The following SCN3A variants were observed in gnomAD, a reference collection of about 807,000 sequenced individuals.
The protein encoded by SCN3A is sodium channel protein type 3 subunit alpha.
A neutral mutation model predicts 187.6 loss-of-function variants in SCN3A; 60 were observed. That is an observed-to-expected ratio of 0.32 (90% CI 0.26 to 0.40). The LOEUF (loss-of-function observed/expected upper bound fraction) is 0.40, where lower values mean the gene tolerates loss of function less well. Ranked by LOEUF, SCN3A falls within the 10% of genes least tolerant of loss-of-function variation. The probability of loss-of-function intolerance (pLI) is 1.00; values close to 1 mark genes in which losing one functional copy is unlikely to be tolerated. For synonymous variants in SCN3A, 788 were observed against 829.2 expected, an observed-to-expected ratio of 0.95 and a Z score of 0.85; for missense variants, 1,601 against 2,428.2, an observed-to-expected ratio of 0.66 and a Z score of 7.16.
chr2:165,154,143 GT>G (rs1688869371), intron 11 of SCN3A, among the ~76,000 whole-genome samples: 1 of 151,472 alleles, frequency 6.6e-6, no homozygotes, highest in Non-Finnish European at 1.5e-5. Flanking sequence ...GGAAATATCA[GT>G]TTTATTTCTT....
intron 18 of SCN3A, among the ~76,000 whole-genome samples, chr2:165,117,450 CTAAA>C (rs1559197683): frequency 1.3e-5 from 2 of 152,144 alleles, no homozygotes; most frequent in South Asian, 2.1e-4. Flanking sequence ...TTTCCTTTGA[CTAAA>C]TATTCTCATA....
intron 22 of SCN3A, among the ~76,000 whole-genome samples, chr2:165,099,689 C>T (rs1685516407): frequency 6.6e-6 from 1 of 152,122 alleles, no homozygotes; most frequent in Admixed American, 6.5e-5. Flanking sequence ...TGCACTCCAG[C>T]CTGGGCGACA....
At chr2:165,155,389 A>ATTCCCT (rs971353415) in intron 10 of SCN3A, among the ~76,000 whole-genome samples, 3 of 143,924 alleles carry the variant, frequency 2.1e-5, no homozygotes, top group Admixed American at 7.0e-5. Context: ...TCCTTTTCCC[A>ATTCCCT]TTCCCTTTCC....
chr2:165,134,650 T>C (rs1687556600), intron 15 of SCN3A, among the ~76,000 whole-genome samples: 1 of 152,130 alleles, frequency 6.6e-6, no homozygotes, highest in African/African-American at 2.4e-5. Flanking sequence ...AAATATATTT[T>C]TCATTTTATA....
At chr2:165,193,209 C>T (rs189496594) in intron 1 of SCN3A, among the ~76,000 whole-genome samples, 19 of 152,140 alleles carry the variant, frequency 1.2e-4, no homozygotes, top group Admixed American at 6.5e-4. Context: ...AAGCAAGAGG[C>T]GAATCCCTTA....
chr2:165,097,808 G>C (rs954507579), intron 22 of SCN3A, among the ~76,000 whole-genome samples: 2 of 151,630 alleles, frequency 1.3e-5, no homozygotes, highest in African/African-American at 4.8e-5. Context: ...TGTATGCTGG[G>C]GAAAAAAGAA....
Position 165,090,203 on chromosome 2 carries a change from C to T in SCN3A, c.5950G>A (p.Asp1984Asn), listed in dbSNP as rs1685012142. ...TKPDKEKFEKDKPEKESKGKE... is the reference protein window; with the variant it reads ...TKPDKEKFEKNKPEKESKGKE... ...CCTTTGCTTTCTTTTTCTGGTTTGTCTTTCTCAAACTTTTCCTTGTCTGGT... is the reference window on the plus strand; with the variant it reads ...CCTTTGCTTTCTTTTTCTGGTTTGTTTTTCTCAAACTTTTCCTTGTCTGGT... Residue 1984 changes from aspartate to asparagine, a missense_variant, in exon 28 of 28, where the codon GAC becomes AAC. Coordinates refer to ENST00000283254, the MANE Select transcript of SCN3A (RefSeq NM_006922.4). This position sits in a 1 kb window ranked among gnomAD's most constrained non-coding sequence, Gnocchi z 4.0. 6.2e-7 allele frequency: 1 copy of T among 1,604,330 alleles called. No homozygotes were observed. The highest frequency in any genetic ancestry group is 1.7e-5 in the Admixed American group (1 of 58,968).
At chr2:165,153,906 G>A (rs1380847502) in intron 11 of SCN3A, among the ~76,000 whole-genome samples, 1 of 147,024 alleles carries the variant, frequency 6.8e-6, no homozygotes, top group Non-Finnish European at 1.5e-5. Context: ...AGCTCACACA[G>A]CCTTTAATAT....
intron 10 of SCN3A, 62 bp downstream of exon 10, chr2:165,155,700 A>G (rs1360823729): frequency 1.3e-6 from 2 of 1,597,286 alleles, no homozygotes; most frequent in African/African-American, 1.3e-5. Context: ...CACCCAGCCT[A>G]TGCTTTTCAT....
intron 18 of SCN3A, 128 bp downstream of exon 18, chr2:165,127,503 C>A (rs191069315): frequency 2.7e-6 from 2 of 742,468 alleles, no homozygotes; most frequent in African/African-American, 1.8e-5. Context: ...GATTTTCCAA[C>A]ATCACTATAG....
At chr2:165,123,984 A>G (rs139649917) in intron 18 of SCN3A, among the ~76,000 whole-genome samples, 2,366 of 152,246 alleles carry the variant, frequency 0.016, 190 homozygotes, top group Admixed American at 0.14. Context: ...ATTTAATATT[A>G]CTGTGCAAGA....
In SCN3A at chr2:165,090,340, A is replaced by G. The variant is rs1304082055; in HGVS notation, c.5813T>C (p.Leu1938Ser). 5 of 1,613,074 alleles carry G rather than the reference A, an allele frequency of 3.1e-6. No individual in the cohort carries two copies. The highest frequency in any genetic ancestry group is 3.3e-5 in the Admixed American group (2 of 59,934). The change falls in exon 28 of 28, where the codon TTA becomes TCA. Residue 1938 changes from leucine (L) to serine (S), a missense_variant. Physicochemically the swap from Leu to Ser is moderately radical, Grantham distance 145. Around this residue, in one of 11 missense-constraint regions of SCN3A, gnomAD observed 87 missense variants for 89.2 expected, o/e 0.98. Transcript: ENST00000283254. The surrounding 1 kb of genome is among the most constrained non-coding windows in gnomAD (Gnocchi z 4.0). ...NKEAIKGRID[L>S]PIKQDMIIDK... Reference sequence around the variant, plus strand: ...AATAATCATGTCTTGTTTTATAGGTAAGTCAATCCTCCCTTTAATTGCCTC... The same window carrying G: ...AATAATCATGTCTTGTTTTATAGGTGAGTCAATCCTCCCTTTAATTGCCTC...
At chr2:165,123,841 A>G (rs79775215) in intron 18 of SCN3A, among the ~76,000 whole-genome samples, 27,839 of 152,064 alleles carry the variant, frequency 0.18, 2,778 homozygotes, top group African/African-American at 0.27. Flanking sequence ...ACATGCTGGT[A>G]TTGGCTTTTT....
chr2:165,166,774 A>G (rs539656201), intron 5 of SCN3A, among the ~76,000 whole-genome samples: 4 of 152,320 alleles, frequency 2.6e-5, no homozygotes, highest in African/African-American at 9.6e-5. Context: ...AGAAAACCTG[A>G]GCAAAGTTTT....
intron 18 of SCN3A, chr2:165,119,793 A>C (rs930507764): frequency 3.3e-5 from 5 of 152,188 alleles, no homozygotes; most frequent in African/African-American, 1.2e-4. Context: ...TGATATAAAA[A>C]AGCAAAGAAA....
In SCN3A at chr2:165,090,081, A is replaced by G. The variant is rs1685002924; in HGVS notation, c.*69T>C. 1 of 1,542,686 alleles carries G rather than the reference A, an allele frequency of 6.5e-7. No homozygotes were observed. On this transcript the variant is annotated 3_prime_UTR_variant, in exon 28 of 28. Transcript: ENST00000283254. The surrounding 1 kb of genome is among the most constrained non-coding windows in gnomAD (Gnocchi z 4.0). ...TGGCATGGACCTCCTCTTGAAGTCC[A>G]GTTGACACATATACTTTACCTTCAT...
intron 1 of SCN3A, among the ~76,000 whole-genome samples, chr2:165,190,168 G>A (rs1691498028): frequency 6.6e-6 from 1 of 152,210 alleles, no homozygotes; most frequent in African/African-American, 2.4e-5. Context: ...CTTCAAATGG[G>A]CAAATCACCA....
chr2:165,184,385 G>A (rs1691086228), intron 2 of SCN3A, among the ~76,000 whole-genome samples: 1 of 150,740 alleles, frequency 6.6e-6, no homozygotes, highest in Admixed American at 6.6e-5. Context: ...AATTTCATGA[G>A]GTTGATACCA....
Position 165,094,479 on chromosome 2 carries a change from G to C in SCN3A, c.4432-1C>G. ...TCATAAAGATGTCTTGACCTCCAAAGTAAAGACATAGTATAAAACTGGTTA... is the reference window on the plus strand; with the variant it reads ...TCATAAAGATGTCTTGACCTCCAAACTAAAGACATAGTATAAAACTGGTTA... On this transcript the variant is annotated splice_acceptor_variant, in intron 25 of 27. Coordinates refer to ENST00000283254, the MANE Select transcript of SCN3A (RefSeq NM_006922.4). LOFTEE classifies it high-confidence loss of function. The C allele has an allele frequency of 6.3e-7, 1 of 1,589,534 alleles. No homozygotes were observed. Among genetic ancestry groups the C allele is most frequent in the Non-Finnish European group, 8.6e-7 (1 of 1,157,724 alleles).
Sources: gnomAD v4.1 joint callset for allele counts (sites outside exome capture counted in the v4.1 genomes callset) on GRCh38, gnomAD v4.1.1 for gene constraint, gnomAD v4.1.1 regional missense constraint, Gnocchi (gnomAD v3.1) non-coding constraint, MANE v1.5 for transcripts, NCBI Gene and HGNC (gene_info 2026-07-23, HGNC 2026-07-21) for gene names.